Variants in NELL2 observed in about 807,000 individuals in gnomAD.
NELL2 encodes protein kinase C-binding protein NELL2.
Under a neutral mutation model 109.6 loss-of-function variants are expected in NELL2, and 41 were observed. The ratio of observed to expected loss-of-function variants is 0.37; its 90% CI spans 0.29 to 0.49. NELL2 has a LOEUF of 0.49. NELL2 is among the 20% of genes least tolerant of loss of function. The pLI is 0.98. For synonymous variants in NELL2, 355 were observed against 344.7 expected, an observed-to-expected ratio of 1.03 and a Z score of -0.33; for missense variants, 900 against 1,008.3, an observed-to-expected ratio of 0.89 and a Z score of 1.45.
intron 13 of NELL2, among the ~76,000 whole-genome samples, chr12:44,616,677 T>G (rs979175339): frequency 1.3e-5 from 2 of 152,208 alleles, no homozygotes; most frequent in Non-Finnish European, 1.5e-5. Flanking sequence ...CTAATATTTC[T>G]GTAGACTAGA....
Position 44,607,221 on chromosome 12 carries a change from G to T in NELL2, c.1611C>A (p.Ala537=). 12 of 1,612,622 alleles carry T rather than the reference G, an allele frequency of 7.4e-6. No homozygotes were observed. The highest frequency in any genetic ancestry group is 1.0e-5 in the Non-Finnish European group (12 of 1,179,142). Residue 537 remains alanine (A), a synonymous_variant, in exon 15 of 20, where the codon GCC becomes GCA. Transcript: ENST00000429094. The part of the protein sequence containing the change: ...DGCRNGGACI[A]ANVCACPQGF... ...CTTGTGGGCAGGCACACACATTAGCGGCAATACAGGCTCCTCCATTCCTAC... is the reference window on the plus strand; with the variant it reads ...CTTGTGGGCAGGCACACACATTAGCTGCAATACAGGCTCCTCCATTCCTAC...
intron 15 of NELL2, among the ~76,000 whole-genome samples, chr12:44,540,797 A>AAAAAAAAAAAAAAC: frequency 6.7e-6 from 1 of 150,302 alleles, no homozygotes; most frequent in Non-Finnish European, 1.5e-5. Flanking sequence ...AAAAAAAAAA[A>AAAAAAAAAAAAAAC]AGCCCATCCT....
At chr12:44,907,324 G>A (rs369013785) in intron 1 of NELL2, among the ~76,000 whole-genome samples, 26 of 152,088 alleles carry the variant, frequency 1.7e-4, no homozygotes, top group East Asian at 7.7e-4. Flanking sequence ...AAGAGTTCTG[G>A]GCACTCCAAC....
intron 13 of NELL2, among the ~76,000 whole-genome samples, chr12:44,635,039 G>A (rs1239654992): frequency 6.6e-6 from 1 of 152,116 alleles, no homozygotes; most frequent in East Asian, 1.9e-4. Flanking sequence ...GACCAGTGAT[G>A]ATGAGTTTTT....
At chr12:44,834,436 CTTTTTTTT>C (rs36048159) in intron 2 of NELL2, among the ~76,000 whole-genome samples, 2 of 131,552 alleles carry the variant, frequency 1.5e-5, no homozygotes, top group African/African-American at 5.6e-5. Flanking sequence ...CACACGCATT[CTTTTTTTT>C]TTTTTTTTTG....
At chr12:44,842,208 T>C (rs1010812195) in intron 2 of NELL2, among the ~76,000 whole-genome samples, 1 of 152,032 alleles carries the variant, frequency 6.6e-6, no homozygotes, top group African/African-American at 2.4e-5. Context: ...TTACACTACC[T>C]GATTTCAAGA....
intron 13 of NELL2, among the ~76,000 whole-genome samples, chr12:44,621,885 G>A (rs974040070): frequency 3.9e-5 from 6 of 152,000 alleles, no homozygotes; most frequent in South Asian, 2.1e-4. Context: ...ATGTGGTAAC[G>A]TCTGGAAAGC....
chr12:44,612,629 C>T (rs531640818), intron 13 of NELL2, among the ~76,000 whole-genome samples: 1 of 152,030 alleles, frequency 6.6e-6, no homozygotes, highest in South Asian at 2.1e-4. Flanking sequence ...AATGGGCAGC[C>T]CACCTACCTT....
At chr12:44,749,015 C>T (rs1356199790) in intron 9 of NELL2, among the ~76,000 whole-genome samples, 1 of 152,128 alleles carries the variant, frequency 6.6e-6, no homozygotes, top group Admixed American at 6.6e-5. Context: ...ATTAATATCA[C>T]TCATGCCACA....
At chr12:44,569,413 T>G (rs1943779158) in intron 15 of NELL2, among the ~76,000 whole-genome samples, 1 of 152,160 alleles carries the variant, frequency 6.6e-6, no homozygotes, top group Non-Finnish European at 1.5e-5. Flanking sequence ...ATGAGATTGC[T>G]GGGTCAAATG....
intron 14 of NELL2, among the ~76,000 whole-genome samples, chr12:44,607,505 G>A (rs1284173225): frequency 6.6e-6 from 1 of 151,920 alleles, no homozygotes; most frequent in East Asian, 1.9e-4. Flanking sequence ...AAATTTATTT[G>A]AACAACAAAC....
At chr12:44,768,443 C>T (rs1238363287) in intron 9 of NELL2, among the ~76,000 whole-genome samples, 1 of 152,040 alleles carries the variant, frequency 6.6e-6, no homozygotes. Context: ...ATCAGAAGCT[C>T]ATTATCTTAA....
chr12:44,700,127 C>A (rs1421751848), intron 12 of NELL2, among the ~76,000 whole-genome samples: 2 of 152,112 alleles, frequency 1.3e-5, no homozygotes, highest in Non-Finnish European at 2.9e-5. Flanking sequence ...TTTATTAGTC[C>A]AGAAACCTGG....
At chr12:44,806,051 T>A (rs2136663090) in intron 3 of NELL2, among the ~76,000 whole-genome samples, 1 of 151,920 alleles carries the variant, frequency 6.6e-6, no homozygotes, top group Middle Eastern at 3.4e-3. Context: ...ATTAACATAA[T>A]CCCACCCTTT....
intron 2 of NELL2, among the ~76,000 whole-genome samples, chr12:44,844,050 T>G (rs1202462261): frequency 6.6e-6 from 1 of 152,102 alleles, no homozygotes; most frequent in African/African-American, 2.4e-5. Context: ...GACAGCACCT[T>G]GTTGCTGCAG....
Position 44,750,335 on chromosome 12 carries a change from T to G in NELL2, c.994+24412A>C, listed in dbSNP as rs947740192. Among the ~76,000 whole-genome samples, 13 of 152,250 alleles carry G rather than the reference T, an allele frequency of 8.5e-5. No individual in the cohort carries two copies. In the East Asian group the frequency reaches 2.5e-3, roughly 29 times the overall value. ...AGGTACATTCTTTTAAAATTACATG[T>G]TAGGACAAATTATTTGGAGACTTTC... On this transcript the variant is annotated intron_variant, in intron 9 of 19. Coordinates refer to ENST00000429094, the MANE Select transcript of NELL2 (RefSeq NM_001145108.2).
chr12:44,680,263 G>A (rs1213764499), intron 12 of NELL2, among the ~76,000 whole-genome samples: 1 of 152,002 alleles, frequency 6.6e-6, no homozygotes, highest in Non-Finnish European at 1.5e-5. Context: ...ATCACTGACT[G>A]GATTGCATTG....
chr12:44,883,695 G>A (rs563129745), intron 1 of NELL2, among the ~76,000 whole-genome samples: 1 of 152,056 alleles, frequency 6.6e-6, no homozygotes, highest in East Asian at 1.9e-4. Flanking sequence ...AGAATAAAGG[G>A]ACCGATATAA....
intron 1 of NELL2, among the ~76,000 whole-genome samples, chr12:44,905,476 G>A (rs923088040): frequency 6.6e-6 from 1 of 151,894 alleles, no homozygotes; most frequent in African/African-American, 2.4e-5. Context: ...TCTTCTGTAA[G>A]ATGTGTTCTT....
Sources: gnomAD v4.1 joint callset for allele counts (sites outside exome capture counted in the v4.1 genomes callset) on GRCh38, gnomAD v4.1.1 for gene constraint, MANE v1.5 for transcripts, NCBI Gene and HGNC (gene_info 2026-07-23, HGNC 2026-07-21) for gene names.